FNBP1L: variants seen among roughly 807,000 people sequenced by gnomAD.
FNBP1L encodes formin-binding protein 1-like.
Under a neutral mutation model 91.2 loss-of-function variants are expected in FNBP1L, and 36 were observed. That is an observed-to-expected ratio of 0.39 (90% CI 0.30 to 0.52). The LOEUF is 0.52. Among genes scored for constraint, FNBP1L ranks in the 20% least tolerant of loss-of-function variants. The probability of loss-of-function intolerance (pLI) is 0.66; values close to 1 mark genes in which losing one functional copy is unlikely to be tolerated. For synonymous variants in FNBP1L, 242 were observed against 237.0 expected, an observed-to-expected ratio of 1.02 and a Z score of -0.19; for missense variants, 571 against 732.1, an observed-to-expected ratio of 0.78 and a Z score of 2.54.
chr1:93,465,195 G>A (rs372802477), intron 1 of FNBP1L, among the ~76,000 whole-genome samples: 1 of 626 alleles, frequency 1.6e-3, no homozygotes, highest in Non-Finnish European at 4.8e-3. Context: ...CTCTTTTTTG[G>A]GGGGGGGGGT....
chr1:93,490,850 G>A (rs1670068553), intron 1 of FNBP1L, among the ~76,000 whole-genome samples: 2 of 152,214 alleles, frequency 1.3e-5, no homozygotes, highest in Admixed American at 1.3e-4. Flanking sequence ...CCAGGAGGAT[G>A]TATGATCTCA....
Position 93,531,266 on chromosome 1 carries a change from T to A in FNBP1L, c.639+383T>A, listed in dbSNP as rs1286558194. Among the ~76,000 whole-genome samples the A allele has an allele frequency of 7.2e-5, 11 of 152,168 alleles. No homozygotes were observed. The East Asian group carries it at 2.1e-3, about 29-fold the overall frequency. ...CATCAGTCCAGATGGCAGAAATAAA[T>A]CTTACAAAATATATTTGCTAGCATG... On this transcript the variant is annotated intron_variant, in intron 7 of 16. Coordinates refer to ENST00000271234, the MANE Select transcript of FNBP1L (RefSeq NM_001164473.3).
At chr1:93,547,153 A>T (rs889613339) in intron 13 of FNBP1L, among the ~76,000 whole-genome samples, 179 bp downstream of exon 13, 5 of 152,154 alleles carry the variant, frequency 3.3e-5, no homozygotes, top group African/African-American at 9.7e-5. Context: ...TTAGACCTTT[A>T]TATAAGATTA....
intron 2 of FNBP1L, among the ~76,000 whole-genome samples, chr1:93,502,346 A>C (rs1670464023): frequency 6.6e-6 from 1 of 152,206 alleles, no homozygotes; most frequent in South Asian, 2.1e-4. Context: ...TAAGAAGAGG[A>C]TATGCTTCAA....
intron 2 of FNBP1L, among the ~76,000 whole-genome samples, chr1:93,500,351 C>G (rs1670405556): frequency 6.6e-6 from 1 of 152,152 alleles, no homozygotes; most frequent in Non-Finnish European, 1.5e-5. Context: ...TTCTCAGGTT[C>G]CATTCATACC....
chr1:93,463,666 A>T (rs1668974292), intron 1 of FNBP1L, among the ~76,000 whole-genome samples: 1 of 152,124 alleles, frequency 6.6e-6, no homozygotes, highest in Non-Finnish European at 1.5e-5. Flanking sequence ...TCCAGTATAT[A>T]TGTATTGCAG....
chr1:93,529,728 C>T lies in FNBP1L; in HGVS notation c.482C>T (p.Thr161Ile), dbSNP rs977875228. The change falls in exon 6 of 17, where the codon ACT (threonine) becomes ATT (isoleucine). Residue 161 changes from threonine to isoleucine, a missense_variant. By Grantham distance (89) the Thr-to-Ile change is moderately conservative. Transcript: ENST00000271234. ...AGTTATGAAAGATTGGATAATGATA[C>T]TAATGCAACCAAGGCAGATGTTGAA... The part of the protein sequence containing the change: ...QQSYERLDND[T>I]NATKADVEKA... 1.1e-5 allele frequency: 17 copies of T among 1,526,854 alleles called. No individual in the cohort carries two copies. The Admixed American group carries it at 2.3e-4, about 20-fold the overall frequency. 94.6% of individuals were successfully genotyped at this position (1,526,854 alleles called of 1,614,324 possible).
intron 11 of FNBP1L, 99 bp from the exon 12 acceptor site, chr1:93,544,008 A>G: frequency 1.2e-6 from 1 of 805,628 alleles, no homozygotes; most frequent in Non-Finnish European, 1.8e-6. Context: ...TTTGAAATTA[A>G]ACTTAAGATT....
intron 1 of FNBP1L, among the ~76,000 whole-genome samples, chr1:93,493,048 G>C (rs1265855994): frequency 6.6e-6 from 1 of 152,202 alleles, no homozygotes; most frequent in African/African-American, 2.4e-5. Context: ...AGGATCGCTT[G>C]AACTCAGGGG....
chr1:93,473,474 T>C (rs532411034), intron 1 of FNBP1L, among the ~76,000 whole-genome samples: 1 of 152,336 alleles, frequency 6.6e-6, no homozygotes, highest in African/African-American at 2.4e-5. Context: ...AAAACTTTTT[T>C]TATATGCCTC....
At chr1:93,510,171 A>C (rs1670778164) in intron 2 of FNBP1L, among the ~76,000 whole-genome samples, 1 of 152,210 alleles carries the variant, frequency 6.6e-6, no homozygotes, top group African/African-American at 2.4e-5. Context: ...GCACAGACAA[A>C]CAAAAAGCAG....
intron 13 of FNBP1L, among the ~76,000 whole-genome samples, 175 bp downstream of exon 13, chr1:93,547,149 C>T (rs1453868736): frequency 6.6e-6 from 1 of 151,884 alleles, no homozygotes; most frequent in Non-Finnish European, 1.5e-5. Flanking sequence ...TTATTTAGAC[C>T]TTTATATAAG....
At chr1:93,547,574 C>T (rs1436505287) in intron 14 of FNBP1L, 133 bp downstream of exon 14, 1 of 698,540 alleles carries the variant, frequency 1.4e-6, no homozygotes, top group Non-Finnish European at 2.4e-6. Context: ...TCTTTTGAAC[C>T]TAAGTAATTT....
At chr1:93,548,026 A>C (rs1672297981) in intron 14 of FNBP1L, among the ~76,000 whole-genome samples, 1 of 152,178 alleles carries the variant, frequency 6.6e-6, no homozygotes, top group Admixed American at 6.5e-5. Context: ...GTTCATTTTT[A>C]ATGCTCCCTA....
At chr1:93,546,323 A>AT (rs961217359) in intron 12 of FNBP1L, among the ~76,000 whole-genome samples, 25 of 152,232 alleles carry the variant, frequency 1.6e-4, no homozygotes, top group African/African-American at 6.0e-4. Flanking sequence ...GGCACAACCG[A>AT]TTGTAATATG....
At position 93,534,635 on chromosome 1, in the gene FNBP1L, A is replaced by G. The variant is rs1671786906; in HGVS notation, c.787-70A>G. On this transcript the variant is annotated intron_variant, in intron 8 of 16. Transcript: ENST00000271234. ...ATATTTGTTGTTTTTTTGTACTGAAAAAGTTATGAAAGCTGATGTAGAATT... is the reference window on the plus strand; with the variant it reads ...ATATTTGTTGTTTTTTTGTACTGAAGAAGTTATGAAAGCTGATGTAGAATT... 3.9e-6 allele frequency: 4 copies of G among 1,023,672 alleles called. No homozygotes were observed. In the Admixed American group the frequency reaches 1.1e-4, roughly 28 times the overall value. The allele number at this position is 1,023,672 out of a possible 1,614,324, so 63.4% of individuals were successfully genotyped here.
chr1:93,534,266 A>G (rs928879241), intron 8 of FNBP1L, among the ~76,000 whole-genome samples: 8 of 152,096 alleles, frequency 5.3e-5, no homozygotes, highest in African/African-American at 1.9e-4. Context: ...CTCTTTTACA[A>G]TTAGATGTTC....
chr1:93,503,578 G>A (rs1670507576), intron 2 of FNBP1L, among the ~76,000 whole-genome samples: 1 of 151,918 alleles, frequency 6.6e-6, no homozygotes, highest in Non-Finnish European at 1.5e-5. Flanking sequence ...CTTTATTCTG[G>A]TGTTTGATAT....
chr1:93,538,733 A>G (rs1671928478), intron 10 of FNBP1L, among the ~76,000 whole-genome samples: 2 of 152,162 alleles, frequency 1.3e-5, no homozygotes, highest in African/African-American at 2.4e-5. Flanking sequence ...TAAGATTACA[A>G]AATAAGTCTA....
Sources: gnomAD v4.1 joint callset for allele counts (sites outside exome capture counted in the v4.1 genomes callset) on GRCh38, gnomAD v4.1.1 for gene constraint, MANE v1.5 for transcripts, NCBI Gene and HGNC (gene_info 2026-07-23, HGNC 2026-07-21) for gene names.